BBX: variants seen among roughly 807,000 people sequenced by gnomAD.
BBX encodes the protein BBX high mobility group box domain containing.
BBX carries 30 observed loss-of-function variants against 100.2 expected under a neutral mutation model. The ratio of observed to expected loss-of-function variants is 0.30; its 90% CI spans 0.22 to 0.41. The LOEUF (loss-of-function observed/expected upper bound fraction) is 0.41. Ranked by LOEUF, BBX falls within the 10% of genes least tolerant of loss-of-function variation. BBX has a pLI of 1.00. For missense variants in BBX, 1,023 were observed against 1,129.8 expected (o/e 0.91, Z 1.35); for synonymous variants, 376 against 388.1 (o/e 0.97, Z 0.37).
chr3:107,746,821 T>A (rs985465574), intron 8 of BBX, among the ~76,000 whole-genome samples: 25 of 152,188 alleles, frequency 1.6e-4, no homozygotes, highest in Non-Finnish European at 8.8e-5. Context: ...GTTGTTTTTC[T>A]AACCAGTTTA....
At chr3:107,721,411 A>G (rs1395854718) in intron 5 of BBX, among the ~76,000 whole-genome samples, 1 of 151,806 alleles carries the variant, frequency 6.6e-6, no homozygotes, top group Non-Finnish European at 1.5e-5. Context: ...ACCCTCAGCT[A>G]GCACTTGCCA....
intron 2 of BBX, among the ~76,000 whole-genome samples, chr3:107,554,577 C>A (rs188219301): frequency 8.4e-4 from 128 of 152,258 alleles, no homozygotes; most frequent in African/African-American, 3.0e-3. Context: ...TGGTTACTTG[C>A]GGAGTTTAAC....
intron 10 of BBX, 108 bp from the exon 11 acceptor site, chr3:107,772,520 A>G: frequency 8.4e-7 from 1 of 1,190,216 alleles, no homozygotes; most frequent in Non-Finnish European, 1.1e-6. Context: ...TAAAGTTTAA[A>G]GTGTGTTTTG....
At chr3:107,591,063 C>A (rs1261483211) in intron 2 of BBX, among the ~76,000 whole-genome samples, 1 of 152,186 alleles carries the variant, frequency 6.6e-6, no homozygotes, top group African/African-American at 2.4e-5. Context: ...TGTGATTTGG[C>A]CAATTTTCTA....
intron 3 of BBX, among the ~76,000 whole-genome samples, chr3:107,687,024 GA>G (rs895161533): frequency 2.0e-5 from 3 of 151,834 alleles, no homozygotes; most frequent in Non-Finnish European, 4.4e-5. Flanking sequence ...TTTTTTTAAG[GA>G]AAAAAATGTT....
At chr3:107,695,036 G>T (rs1236457982) in intron 3 of BBX, among the ~76,000 whole-genome samples, 2 of 149,482 alleles carry the variant, frequency 1.3e-5, no homozygotes, top group Non-Finnish European at 1.5e-5. Context: ...GGGATCGGTG[G>T]TGATATCCCC....
chr3:107,674,060 C>T (rs868593073), intron 3 of BBX, among the ~76,000 whole-genome samples: 10 of 152,012 alleles, frequency 6.6e-5, no homozygotes, highest in Non-Finnish European at 1.3e-4. Flanking sequence ...TAGAATTTGA[C>T]GCAAACCATT....
At chr3:107,750,487 C>T (rs938416317) in intron 9 of BBX, among the ~76,000 whole-genome samples, 7 of 152,144 alleles carry the variant, frequency 4.6e-5, no homozygotes, top group Non-Finnish European at 8.8e-5. Flanking sequence ...TTGGTAATAG[C>T]CCTAGTTCCT....
At chr3:107,661,716 C>A (rs140572313) in intron 3 of BBX, 5 of 228,498 alleles carry the variant, frequency 2.2e-5, no homozygotes, top group Non-Finnish European at 3.6e-5. Context: ...CCATTAACTT[C>A]TGACTCTTTT....
rs780148204 is a variant in BBX at position 107,747,965 on chromosome 3, A to G, written c.751A>G (p.Ile251Val). Residue 251 changes from isoleucine (I) to valine (V), a missense_variant and splice_region_variant, in exon 9 of 18, where the codon ATA becomes GTA. Physicochemically the swap from Ile to Val is conservative, Grantham distance 29. Transcript: ENST00000325805. The stretch of plus-strand genomic sequence containing the variant: ...TTAAAAATTGCTTGTTTCCTTTCAG[A>G]TATCTTCAAGTACGTCCCACTCTGA... ...QKSPLFQFAE[I>V]SSSTSHSDAS... 1 of 1,610,156 alleles carries G rather than the reference A, an allele frequency of 6.2e-7. No homozygotes were observed. Among genetic ancestry groups the G allele is most frequent in the South Asian group, 1.1e-5 (1 of 90,088 alleles).
At chr3:107,733,141 A>T in intron 7 of BBX, 118 bp downstream of exon 7, 1 of 847,224 alleles carries the variant, frequency 1.2e-6, no homozygotes, top group East Asian at 2.8e-5. Flanking sequence ...AACAAACTTT[A>T]TAATCTTTCT....
chr3:107,529,178 TA>T lies in BBX; in HGVS notation c.-84+2782del, dbSNP rs1359268232. Among the ~76,000 whole-genome samples, 4 of 152,356 alleles carry T rather than the reference TA, an allele frequency of 2.6e-5. No individual in the cohort carries two copies. In the East Asian group the frequency reaches 7.7e-4, roughly 29 times the overall value. On this transcript the variant is annotated intron_variant, in intron 2 of 17. Coordinates refer to ENST00000325805, the MANE Select transcript of BBX (RefSeq NM_001142568.3). ...GCTCCAAATTACTAAATATAGGCAT[TA>T]ATTTTAACATATTACATTACCACCA...
intron 5 of BBX, among the ~76,000 whole-genome samples, chr3:107,725,569 A>T (rs1288816481): frequency 6.6e-6 from 1 of 152,054 alleles, no homozygotes; most frequent in Non-Finnish European, 1.5e-5. Context: ...AGATTGACAG[A>T]ATATTGTCTT....
At chr3:107,675,969 A>G (rs1307298131) in intron 3 of BBX, among the ~76,000 whole-genome samples, 1 of 152,166 alleles carries the variant, frequency 6.6e-6, no homozygotes, top group African/African-American at 2.4e-5. Context: ...CAAATGGAGA[A>G]TTTTCCTAGG....
intron 1 of BBX, chr3:107,524,211 C>G (rs1012148902): frequency 2.0e-5 from 3 of 152,146 alleles, no homozygotes; most frequent in Non-Finnish European, 4.4e-5. Flanking sequence ...TACGGCTTTG[C>G]CTGGTCGCGA....
intron 2 of BBX, among the ~76,000 whole-genome samples, chr3:107,537,105 T>C (rs2048550639): frequency 6.6e-6 from 1 of 152,226 alleles, no homozygotes; most frequent in Non-Finnish European, 1.5e-5. Flanking sequence ...TAAATAGTAG[T>C]TCATCCTTTT....
intron 10 of BBX, among the ~76,000 whole-genome samples, chr3:107,768,030 T>G (rs911435703): frequency 6.6e-6 from 1 of 152,198 alleles, no homozygotes; most frequent in Admixed American, 6.5e-5. Context: ...ACCTGTCCCA[T>G]GGGCTTCAGT....
At position 107,810,900 on chromosome 3, in the gene BBX, C is replaced by CT. The variant is rs2108104569; in HGVS notation, c.*5444dup. 1 of 149,602 alleles carries CT rather than the reference C, an allele frequency of 6.7e-6. No homozygotes were observed. The highest frequency in any genetic ancestry group is 2.2e-4 in the South Asian group (1 of 4,630). The allele number at this position is 149,602 out of a possible 1,614,324, so 9.3% of individuals were successfully genotyped here. A position where few individuals can be genotyped will look rare whatever the true frequency, so the allele number is the denominator to read the frequency against. On this transcript the variant is annotated 3_prime_UTR_variant, in exon 18 of 18. Transcript: ENST00000325805. Reference sequence around the variant, plus strand: ...AAGTCTGTTGACAGTTTCAGCATGACTGAATCGCTCATTTTTTTTTTTTGC... The same window carrying CT: ...AAGTCTGTTGACAGTTTCAGCATGACTTGAATCGCTCATTTTTTTTTTTTGC...
intron 2 of BBX, among the ~76,000 whole-genome samples, chr3:107,529,997 T>C (rs1171537768): frequency 6.6e-6 from 1 of 152,196 alleles, no homozygotes; most frequent in Non-Finnish European, 1.5e-5. Flanking sequence ...AGCATTGATA[T>C]TACCAAATGT....
Sources: gnomAD v4.1 joint callset for allele counts (sites outside exome capture counted in the v4.1 genomes callset) on GRCh38, gnomAD v4.1.1 for gene constraint, MANE v1.5 for transcripts, NCBI Gene and HGNC (gene_info 2026-07-23, HGNC 2026-07-21) for gene names.